Variants in NKAIN3 observed in about 807,000 individuals in gnomAD.
The protein encoded by NKAIN3 is sodium/potassium transporting ATPase interacting 3, also known as sodium/potassium-transporting ATPase subunit beta-1-interacting protein 3.
In NKAIN3, 25 loss-of-function variants were observed where a neutral mutation model predicts 30.2. That is an observed-to-expected ratio of 0.83 (90% CI 0.60 to 1.16). NKAIN3 has a LOEUF of 1.16. Among genes scored for constraint, NKAIN3 ranks in the 50% most tolerant of loss-of-function variants. The pLI is 0.00. For synonymous variants in NKAIN3, 91 were observed against 89.6 expected (o/e 1.02, Z -0.09); for missense variants, 225 against 254.1 (o/e 0.89, Z 0.78).
At position 62,812,585 on chromosome 8, in the gene NKAIN3, T is replaced by G. The variant is rs373675538; in HGVS notation, c.471+65456T>G. 1.6e-3 allele frequency among the ~76,000 whole-genome samples: 250 copies of G among 151,990 alleles called. 7 individuals carry two copies. The South Asian group carries it at 0.05, about 30-fold the overall frequency. On this transcript the variant is annotated intron_variant, in intron 4 of 6. Transcript: ENST00000623646. ...ATATTATTCTGTAACCTTGCTTCAC[T>G]CACTTATTAGTTCTAGGAGAGTTTT...
intron 3 of NKAIN3, among the ~76,000 whole-genome samples, chr8:62,720,431 C>A (rs943753424): frequency 2.0e-5 from 3 of 152,098 alleles, no homozygotes; most frequent in Non-Finnish European, 4.4e-5. Context: ...CAAACAATAC[C>A]ATGAATTATT....
At chr8:62,423,672 C>T (rs1804717094) in intron 1 of NKAIN3, among the ~76,000 whole-genome samples, 1 of 151,784 alleles carries the variant, frequency 6.6e-6, no homozygotes, top group Non-Finnish European at 1.5e-5. Flanking sequence ...TATTTTTCAG[C>T]TGTGATTTTT....
chr8:62,715,631 T>A (rs1490354882), intron 3 of NKAIN3, among the ~76,000 whole-genome samples: 1 of 152,222 alleles, frequency 6.6e-6, no homozygotes, highest in Non-Finnish European at 1.5e-5. Flanking sequence ...AACAACTGTG[T>A]CTGTCACACT....
At chr8:62,628,725 C>T (rs1017960658) in intron 3 of NKAIN3, among the ~76,000 whole-genome samples, 1 of 151,928 alleles carries the variant, frequency 6.6e-6, no homozygotes, top group African/African-American at 2.4e-5. Flanking sequence ...ATTTGTGTTC[C>T]AGTTTATCAA....
At chr8:62,467,957 G>A (rs927641636) in intron 1 of NKAIN3, among the ~76,000 whole-genome samples, 3 of 152,032 alleles carry the variant, frequency 2.0e-5, no homozygotes, top group African/African-American at 4.8e-5. Flanking sequence ...TTTTTTGTTA[G>A]AGAGGGGGTT....
rs1048082452 is a variant in NKAIN3, at chr8:62,596,424, C to A, written c.273+6630C>A. Among the ~76,000 whole-genome samples the A allele has an allele frequency of 2.6e-5, 4 of 151,924 alleles. No homozygotes were observed. In the East Asian group the frequency reaches 5.8e-4, roughly 22 times the overall value. On this transcript the variant is annotated intron_variant, in intron 3 of 6. Coordinates refer to ENST00000623646, the MANE Select transcript of NKAIN3 (RefSeq NM_001304533.3). ...GACCCTGGCAGTGTAAGACTGCCACCTTTTTAGGTTTCTGTACAGCCAATA... is the reference window on the plus strand; with the variant it reads ...GACCCTGGCAGTGTAAGACTGCCACATTTTTAGGTTTCTGTACAGCCAATA...
At chr8:62,959,932 G>A (rs898217476) in intron 6 of NKAIN3, among the ~76,000 whole-genome samples, 1 of 152,172 alleles carries the variant, frequency 6.6e-6, no homozygotes, top group South Asian at 2.1e-4. Flanking sequence ...GCCTTACTTA[G>A]CACCAATGCA....
intron 4 of NKAIN3, among the ~76,000 whole-genome samples, chr8:62,846,133 A>C (rs913574962): frequency 6.6e-6 from 1 of 152,160 alleles, no homozygotes; most frequent in Non-Finnish European, 1.5e-5. Flanking sequence ...TAAAAAAAAC[A>C]CTAACATAAC....
intron 4 of NKAIN3, among the ~76,000 whole-genome samples, chr8:62,785,474 T>C (rs1817485649): frequency 1.3e-5 from 2 of 152,236 alleles, no homozygotes; most frequent in South Asian, 2.1e-4. Flanking sequence ...ATTGGGTTTC[T>C]TTTTGCAATT....
At chr8:62,555,151 C>T (rs1438049078) in intron 1 of NKAIN3, among the ~76,000 whole-genome samples, 2 of 122,858 alleles carry the variant, frequency 1.6e-5, no homozygotes, top group Non-Finnish European at 3.9e-5. Context: ...TGTTGTATAC[C>T]TTAAATATAT....
At chr8:62,796,513 C>T (rs545743421) in intron 4 of NKAIN3, among the ~76,000 whole-genome samples, 10 of 151,626 alleles carry the variant, frequency 6.6e-5, no homozygotes, top group South Asian at 4.2e-4. Flanking sequence ...ACATGATGCT[C>T]GACATTCATC....
intron 4 of NKAIN3, among the ~76,000 whole-genome samples, chr8:62,804,103 A>G (rs1177170554): frequency 6.6e-6 from 1 of 152,190 alleles, no homozygotes; most frequent in African/African-American, 2.4e-5. Context: ...ACAGGCTCTG[A>G]AATTGTGGCA....
chr8:62,281,072 G>A (rs1277868788), intron 1 of NKAIN3, among the ~76,000 whole-genome samples: 1 of 152,102 alleles, frequency 6.6e-6, no homozygotes, highest in Non-Finnish European at 1.5e-5. Context: ...GGTCTATTCA[G>A]GGATTCAACT....
At chr8:62,301,719 G>C (rs1325128694) in intron 1 of NKAIN3, among the ~76,000 whole-genome samples, 1 of 151,980 alleles carries the variant, frequency 6.6e-6, no homozygotes, top group Non-Finnish European at 1.5e-5. Flanking sequence ...TACACAAATA[G>C]GTTTCTGAAA....
intron 1 of NKAIN3, among the ~76,000 whole-genome samples, chr8:62,515,852 C>A (rs1040759097): frequency 2.0e-5 from 3 of 152,042 alleles, no homozygotes; most frequent in Admixed American, 6.6e-5. Context: ...ACTTGTTAAT[C>A]ATTTGGATTT....
intron 4 of NKAIN3, among the ~76,000 whole-genome samples, chr8:62,774,909 T>A (rs1817140460): frequency 6.6e-6 from 1 of 152,218 alleles, no homozygotes; most frequent in South Asian, 2.1e-4. Flanking sequence ...AGGGTAAAAC[T>A]GGCCTCATGG....
chr8:62,725,609 A>G (rs544712572), intron 3 of NKAIN3, among the ~76,000 whole-genome samples: 18 of 152,200 alleles, frequency 1.2e-4, no homozygotes, highest in Non-Finnish European at 2.2e-4. Context: ...TGAAGAGACT[A>G]TTCTTTCTCC....
intron 1 of NKAIN3, among the ~76,000 whole-genome samples, chr8:62,284,755 A>C (rs1813320130): frequency 6.6e-6 from 1 of 152,150 alleles, no homozygotes; most frequent in Admixed American, 6.6e-5. Context: ...GAAAGGGATA[A>C]AACATGAATG....
intron 1 of NKAIN3, among the ~76,000 whole-genome samples, chr8:62,454,981 G>A (rs1169182088): frequency 6.6e-6 from 1 of 152,140 alleles, no homozygotes; most frequent in African/African-American, 2.4e-5. Flanking sequence ...TGCCAACTCA[G>A]GTGGAATCCT....
Sources: allele counts gnomAD v4.1 joint callset (sites outside exome capture counted in the v4.1 genomes callset), GRCh38; gene constraint gnomAD v4.1.1; transcripts MANE v1.5; gene names NCBI Gene and HGNC (gene_info 2026-07-23, HGNC 2026-07-21).